ITGA9: variants seen among roughly 807,000 people sequenced by gnomAD.
The protein encoded by ITGA9 is integrin alpha-9.
Under a neutral mutation model 127.8 loss-of-function variants are expected in ITGA9, and 56 were observed. The ratio of observed to expected loss-of-function variants is 0.44; its 90% CI spans 0.35 to 0.55. The LOEUF (loss-of-function observed/expected upper bound fraction) is 0.55, where lower values mean the gene tolerates loss of function less well. Among genes scored for constraint, ITGA9 ranks in the 20% least tolerant of loss-of-function variants. The probability of loss-of-function intolerance (pLI) is 0.00; values close to 1 mark genes in which losing one functional copy is unlikely to be tolerated. For missense variants in ITGA9, 1,196 were observed against 1,347.1 expected, an observed-to-expected ratio of 0.89 and a Z score of 1.76; for synonymous variants, 508 against 514.5, an observed-to-expected ratio of 0.99 and a Z score of 0.17.
At chr3:37,585,661 G>A (rs768445398) in intron 15 of ITGA9, 2 of 514,428 alleles carry the variant, frequency 3.9e-6, no homozygotes, top group South Asian at 1.4e-5. Context: ...GGCTAAAGAA[G>A]TCTCAACACA....
intron 18 of ITGA9, among the ~76,000 whole-genome samples, chr3:37,690,540 T>C (rs980016228): frequency 1.3e-5 from 2 of 152,156 alleles, no homozygotes; most frequent in African/African-American, 4.8e-5. Context: ...TACATCTTCA[T>C]GGTATTGACT....
chr3:37,819,470 T>C lies in ITGA9; in HGVS notation c.*481T>C, dbSNP rs1212451346. The C allele has an allele frequency of 6.3e-6, 1 of 158,948 alleles. No homozygotes were observed. The highest frequency in any genetic ancestry group is 1.4e-5 in the Non-Finnish European group (1 of 71,646). 9.8% of individuals were successfully genotyped at this position (158,948 alleles called of 1,614,324 possible). On this transcript the variant is annotated 3_prime_UTR_variant, in exon 28 of 28. Transcript: ENST00000264741. ...AAAGGATGAAAATCTTACCGTACTT[T>C]GGAACTTGCTGTTTAAAAAGACAGA... is the stretch of plus-strand genomic sequence containing the variant.
intron 14 of ITGA9, among the ~76,000 whole-genome samples, chr3:37,540,261 A>C (rs1699252210): frequency 6.6e-6 from 1 of 152,220 alleles, no homozygotes; most frequent in Non-Finnish European, 1.5e-5. Flanking sequence ...GAGTCTGCTC[A>C]GCAGCTGCCT....
In ITGA9 at chr3:37,619,521, T is replaced by C. The variant is rs539122308; in HGVS notation, c.1690-9666T>C. 2.0e-5 allele frequency among the ~76,000 whole-genome samples: 3 copies of C among 152,280 alleles called. No individual in the cohort carries two copies. In the East Asian group the frequency reaches 5.8e-4, roughly 29 times the overall value. On this transcript the variant is annotated intron_variant, in intron 15 of 27. Coordinates refer to ENST00000264741, the MANE Select transcript of ITGA9 (RefSeq NM_002207.3). Reference sequence around the variant, plus strand: ...TGCAGAAGCTCTGGAGCAGAGCTTATCCCACCCAGCAGCAAGGGGGATGGG... The same window carrying C: ...TGCAGAAGCTCTGGAGCAGAGCTTACCCCACCCAGCAGCAAGGGGGATGGG...
intron 13 of ITGA9, among the ~76,000 whole-genome samples, chr3:37,529,977 T>C (rs1699132001): frequency 6.6e-6 from 1 of 151,944 alleles, no homozygotes; most frequent in South Asian, 2.1e-4. Flanking sequence ...AGGAATAAGG[T>C]CAGGGCGAGG....
Position 37,500,233 on chromosome 3 carries a change from T to G in ITGA9, c.613-2945T>G, listed in dbSNP as rs906265548. 3.3e-5 allele frequency among the ~76,000 whole-genome samples: 5 copies of G among 152,228 alleles called. 1 individual carries two copies. Among genetic ancestry groups the G allele is most frequent in the Admixed American group, 3.3e-4 (5 of 15,282 alleles). ...GCAGGACAGATGAGTGTAAAAAGAA[T>G]GAGTGGATGGATGCTCTGCTGTGTT... is the stretch of plus-strand genomic sequence containing the variant. On this transcript the variant is annotated intron_variant, in intron 5 of 27. Transcript: ENST00000264741.
At position 37,683,995 on chromosome 3, in the gene ITGA9, T is replaced by C. The variant is rs1384011530; in HGVS notation, c.2047T>C (p.Phe683Leu). ...VSFNVSRELFFINMWQKEEMG... is the reference protein window; with the variant it reads ...VSFNVSRELFLINMWQKEEMG... ...CTTCAATGTTTCCCGGGAGCTCTTC[T>C]TCATCAACATGTGGCAGAAGGTAAG... Residue 683 changes from phenylalanine to leucine, a missense_variant, in exon 18 of 28, where the codon TTC (phenylalanine) becomes CTC (leucine). By Grantham distance (22) the Phe-to-Leu change is conservative. Coordinates refer to ENST00000264741, the MANE Select transcript of ITGA9 (RefSeq NM_002207.3). 1.2e-6 allele frequency: 2 copies of C among 1,613,736 alleles called. No homozygotes were observed. Among genetic ancestry groups the C allele is most frequent in the East Asian group, 2.2e-5 (1 of 44,896 alleles).
At chr3:37,483,398 C>T (rs1698576855) in intron 4 of ITGA9, among the ~76,000 whole-genome samples, 1 of 152,178 alleles carries the variant, frequency 6.6e-6, no homozygotes, top group African/African-American at 2.4e-5. Flanking sequence ...CTAATCTTCC[C>T]AGAAGCTGTG....
At chr3:37,652,756 G>A (rs1700441834) in intron 16 of ITGA9, among the ~76,000 whole-genome samples, 1 of 152,204 alleles carries the variant, frequency 6.6e-6, no homozygotes, top group Non-Finnish European at 1.5e-5. Flanking sequence ...ACTAAAAGTT[G>A]TCAACAGGCT....
At chr3:37,757,436 G>A (rs553501246) in intron 23 of ITGA9, among the ~76,000 whole-genome samples, 1 of 151,946 alleles carries the variant, frequency 6.6e-6, no homozygotes, top group East Asian at 1.9e-4. Flanking sequence ...GCTAAGGCAA[G>A]AAGATCCTTG....
intron 6 of ITGA9, among the ~76,000 whole-genome samples, chr3:37,504,036 A>ATAACT (rs1334077496): frequency 6.6e-6 from 1 of 152,254 alleles, no homozygotes; most frequent in Non-Finnish European, 1.5e-5. Context: ...CTCATGATAC[A>ATAACT]TAACTTACAG....
chr3:37,700,347 A>G (rs1353944429), intron 18 of ITGA9, among the ~76,000 whole-genome samples: 5 of 151,114 alleles, frequency 3.3e-5, no homozygotes, highest in Non-Finnish European at 5.9e-5. Flanking sequence ...TTAGGTTTCT[A>G]CATATAATAT....
chr3:37,689,884 G>A (rs187711223), intron 18 of ITGA9, among the ~76,000 whole-genome samples: 45 of 152,342 alleles, frequency 3.0e-4, no homozygotes, highest in African/African-American at 9.4e-4. Context: ...GCTAGGGACT[G>A]TTCCAGCCAC....
chr3:37,567,201 A>G (rs1699556053), intron 15 of ITGA9, among the ~76,000 whole-genome samples: 2 of 152,238 alleles, frequency 1.3e-5, no homozygotes, highest in African/African-American at 2.4e-5. Context: ...CACGTCTTAC[A>G]TGGATGGTGG....
chr3:37,545,306 G>A (rs1295629914), intron 15 of ITGA9, among the ~76,000 whole-genome samples: 1 of 152,214 alleles, frequency 6.6e-6, no homozygotes, highest in African/African-American at 2.4e-5. Flanking sequence ...GAGGGGCTGG[G>A]CCTGCTTTGT....
intron 17 of ITGA9, among the ~76,000 whole-genome samples, chr3:37,681,860 T>TCCTCCAACTCCCAGTCTTTCA (rs1700737940): frequency 6.6e-6 from 1 of 151,962 alleles, no homozygotes; most frequent in African/African-American, 2.4e-5. Flanking sequence ...CACCTCTTTC[T>TCCTCCAACTCCCAGTCTTTCA]CCTCCAACTC....
At chr3:37,575,360 G>A (rs7626193) in intron 15 of ITGA9, among the ~76,000 whole-genome samples, 39,285 of 152,058 alleles carry the variant, frequency 0.26, 5,891 homozygotes, top group African/African-American at 0.39. Context: ...TGAGGCTGCT[G>A]TGTAACTTTG....
At chr3:37,758,474 TAA>T (rs1696683113) in intron 23 of ITGA9, among the ~76,000 whole-genome samples, 1 of 151,044 alleles carries the variant, frequency 6.6e-6, no homozygotes, top group Non-Finnish European at 1.5e-5. Context: ...ATATTATTAT[TAA>T]TAATAAAAGG....
chr3:37,757,392 TTGGCTCATGCCTG>T (rs1367960029), intron 23 of ITGA9, among the ~76,000 whole-genome samples: 2 of 151,836 alleles, frequency 1.3e-5, no homozygotes, highest in Non-Finnish European at 2.9e-5. Flanking sequence ...CTGGGCATGG[TTGGCTCATGCCTG>T]TAATCCCAGG....
Sources: gnomAD v4.1 joint callset for allele counts (sites outside exome capture counted in the v4.1 genomes callset) on GRCh38, gnomAD v4.1.1 for gene constraint, MANE v1.5 for transcripts, NCBI Gene and HGNC (gene_info 2026-07-23, HGNC 2026-07-21) for gene names.